The following PCDHGA1 variants were observed in gnomAD, a reference collection of about 807,000 sequenced individuals.
PCDHGA1 encodes protocadherin gamma subfamily A, 1, also known as protocadherin gamma-A1.
Under a neutral mutation model 58.0 loss-of-function variants are expected in PCDHGA1, and 32 were observed. The ratio of observed to expected loss-of-function variants is 0.55; its 90% confidence interval spans 0.42 to 0.74. The LOEUF (loss-of-function observed/expected upper bound fraction) is 0.74, where lower values mean the gene tolerates loss of function less well. PCDHGA1 is among the 30% of genes least tolerant of loss of function. PCDHGA1 has a pLI of 0.00. For missense variants in PCDHGA1, 1,205 were observed against 1,182.3 expected, an observed-to-expected ratio of 1.02 and a Z score of -0.28; for synonymous variants, 498 against 501.1, an observed-to-expected ratio of 0.99 and a Z score of 0.08.
chr5:141,511,537 A>G lies in PCDHGA1; in HGVS notation c.*364A>G. 2 of 319,256 alleles carry G rather than the reference A, an allele frequency of 6.3e-6. No individual in the cohort carries two copies. Among genetic ancestry groups the G allele is most frequent in the South Asian group, 3.3e-5 (1 of 29,854 alleles). 19.8% of individuals were successfully genotyped at this position (319,256 alleles called of 1,614,324 possible). A position where few individuals can be genotyped will look rare whatever the true frequency, so the allele number is the denominator to read the frequency against. On this transcript the variant is annotated 3_prime_UTR_variant, in exon 4 of 4. Coordinates refer to ENST00000517417, the MANE Select transcript of PCDHGA1 (RefSeq NM_018912.3). ...TCCATCCCATGCCTCCCTCCTCCCC[A>G]CCCCACTCCAACAGTTCCTCTTTCC... is the stretch of plus-strand genomic sequence containing the variant.
intron 1 of PCDHGA1, chr5:141,350,305 G>A (rs1758443560): frequency 6.6e-7 from 1 of 1,521,768 alleles, no homozygotes; most frequent in African/African-American, 1.4e-5. Flanking sequence ...GTCAGGTACT[G>A]TTTCCCTTCC....
chr5:141,344,155 A>T (rs987169156), intron 1 of PCDHGA1: 1 of 1,613,886 alleles, frequency 6.2e-7, no homozygotes, highest in African/African-American at 1.3e-5. Context: ...GAGCTAGATA[A>T]AGGTTCCTTC....
intron 1 of PCDHGA1, among the ~76,000 whole-genome samples, chr5:141,343,640 A>G (rs563100206): frequency 2.0e-5 from 3 of 152,358 alleles, no homozygotes; most frequent in African/African-American, 7.2e-5. Flanking sequence ...ACTTGAGGTG[A>G]CACTGTTTAA....
intron 1 of PCDHGA1, among the ~76,000 whole-genome samples, chr5:141,401,278 G>T (rs1355696847): frequency 6.6e-6 from 1 of 152,160 alleles, no homozygotes; most frequent in Non-Finnish European, 1.5e-5. Context: ...GCAGGTGGAG[G>T]TTGCGGTGAG....
chr5:141,361,008 T>C (rs1327006146), intron 1 of PCDHGA1: 4 of 1,613,330 alleles, frequency 2.5e-6, no homozygotes, highest in African/African-American at 1.3e-5. Flanking sequence ...TGAAACACTT[T>C]TTCAACTTAA....
At position 141,379,889 on chromosome 5, in the gene PCDHGA1, C is replaced by CTTTTTTTTTTTTT. The variant is rs70988800; in HGVS notation, c.2421+46802_2421+46814dup. Among the ~76,000 whole-genome samples, 110 of 50,830 alleles carry CTTTTTTTTTTTTT rather than the reference C, an allele frequency of 2.2e-3. 13 individuals carry two copies. Among genetic ancestry groups the CTTTTTTTTTTTTT allele is most frequent in the African/African-American group, 3.3e-3 (50 of 15,082 alleles). 33.3% of individuals were successfully genotyped at this position (50,830 alleles called of 152,430 possible). ...CTTATTTTATGGTCTGTGAAAGCCTCTTTTTTTTTTTTTTTTTTTTTTTTT... is the reference window on the plus strand; with the variant it reads ...CTTATTTTATGGTCTGTGAAAGCCTCTTTTTTTTTTTTTTTTTTTTTTTTTTTTTTTTTTTTTT... On this transcript the variant is annotated intron_variant, in intron 1 of 3. Transcript: ENST00000517417.
At chr5:141,350,929 C>T (rs1758594998) in intron 1 of PCDHGA1, 1 of 1,614,092 alleles carries the variant, frequency 6.2e-7, no homozygotes, top group Non-Finnish European at 8.5e-7. Context: ...GCGGCACCAC[C>T]CATATCTGGA....
chr5:141,429,395 A>AAT (rs2097212201), intron 1 of PCDHGA1, among the ~76,000 whole-genome samples: 7 of 152,008 alleles, frequency 4.6e-5, no homozygotes, highest in African/African-American at 1.7e-4. Flanking sequence ...TTTAAAAAAA[A>AAT]TTGAGATTAA....
chr5:141,479,733 A>G (rs2099504879), intron 1 of PCDHGA1: 1 of 152,254 alleles, frequency 6.6e-6, no homozygotes, highest in Admixed American at 6.5e-5. Context: ...TTTCTTAAGT[A>G]TATGCACAAT....
Position 141,486,585 on chromosome 5 carries a change from G to A in PCDHGA1, c.2422-8222G>A. The A allele has an allele frequency of 6.2e-7, 1 of 1,613,708 alleles. No individual in the cohort carries two copies. The highest frequency in any genetic ancestry group is 1.1e-5 in the South Asian group (1 of 91,080). ...TTTGTTCCTGAGAACAATCGCCCAG[G>A]GGACCTGCTTTGCTCCCTTGCAGCC... On this transcript the variant is annotated intron_variant, in intron 1 of 3. Transcript: ENST00000517417. The surrounding 1 kb of genome is among the most constrained non-coding windows in gnomAD (Gnocchi z 5.0).
At position 141,346,986 on chromosome 5, in the gene PCDHGA1, CT is replaced by C. The variant is rs1390354893; in HGVS notation, c.2421+13888del. On this transcript the variant is annotated intron_variant, in intron 1 of 3. Coordinates refer to ENST00000517417, the MANE Select transcript of PCDHGA1 (RefSeq NM_018912.3). ...GACTCCTTCCAAGACAGGTGACACTCTTTTTTTCTTTCTCCTTCCTTCCTTC... is the reference window on the plus strand; with the variant it reads ...GACTCCTTCCAAGACAGGTGACACTCTTTTTTCTTTCTCCTTCCTTCCTTC... 4.6e-5 allele frequency among the ~76,000 whole-genome samples: 7 copies of C among 152,098 alleles called. No individual in the cohort carries two copies. In the Middle Eastern group the frequency reaches 0.01, roughly 222 times the overall value.
chr5:141,421,194 C>G, intron 1 of PCDHGA1: 1 of 1,498,922 alleles, frequency 6.7e-7, no homozygotes, highest in South Asian at 1.3e-5. Context: ...CCAACCAGCT[C>G]GAGAAACCGC....
At chr5:141,464,251 C>G (rs1438610569) in intron 1 of PCDHGA1, among the ~76,000 whole-genome samples, 1 of 141,396 alleles carries the variant, frequency 7.1e-6, no homozygotes, top group African/African-American at 2.7e-5. Context: ...GGCTACAGAG[C>G]GAGACTCCGT....
intron 1 of PCDHGA1, among the ~76,000 whole-genome samples, chr5:141,494,447 G>C (rs1413012155): frequency 6.6e-6 from 1 of 152,118 alleles, no homozygotes. Context: ...GCCACTTTAG[G>C]GGGCTTTGTC....
chr5:141,340,532 G>C, intron 1 of PCDHGA1: 1 of 1,614,240 alleles, frequency 6.2e-7, no homozygotes, highest in Non-Finnish European at 8.5e-7. Context: ...GCGCTCCTTT[G>C]ATTATGAGCA....
Position 141,451,083 on chromosome 5 carries a change from C to T in PCDHGA1, c.2422-43724C>T, listed in dbSNP as rs192869194. On this transcript the variant is annotated intron_variant, in intron 1 of 3. Coordinates refer to ENST00000517417, the MANE Select transcript of PCDHGA1 (RefSeq NM_018912.3). The stretch of plus-strand genomic sequence containing the variant: ...GACCTTGTGATCCACCCACCTTGAC[C>T]TCCCAAAGTGTTGGGATTACAGGCG... 4.9e-4 allele frequency among the ~76,000 whole-genome samples: 75 copies of T among 152,174 alleles called. 3 individuals carry two copies. In the East Asian group the frequency reaches 0.014, roughly 29 times the overall value.
At chr5:141,346,575 T>A in intron 1 of PCDHGA1, 3 of 1,406,508 alleles carry the variant, frequency 2.1e-6, no homozygotes, top group Non-Finnish European at 2.9e-6. Context: ...GTCCTTTGAC[T>A]AAATATTTGT....
intron 1 of PCDHGA1, among the ~76,000 whole-genome samples, chr5:141,448,952 C>A (rs1278778374): frequency 2.6e-5 from 4 of 151,698 alleles, no homozygotes; most frequent in Non-Finnish European, 5.9e-5. Flanking sequence ...CTCAAAAAAA[C>A]AAACAAACAA....
intron 1 of PCDHGA1, chr5:141,409,583 G>A (rs1221824873): frequency 1.2e-6 from 2 of 1,613,920 alleles, no homozygotes; most frequent in African/African-American, 1.3e-5. Flanking sequence ...CGTGGTCCAC[G>A]TGGCCGAGAA....
Sources: allele counts gnomAD v4.1 joint callset (sites outside exome capture counted in the v4.1 genomes callset), GRCh38; gene constraint gnomAD v4.1.1; non-coding constraint Gnocchi (gnomAD v3.1); transcripts MANE v1.5; gene names NCBI Gene and HGNC (gene_info 2026-07-23, HGNC 2026-07-21).